The following SOX5 variants were observed in gnomAD, a reference collection of about 807,000 sequenced individuals.
The protein encoded by SOX5 is SRY-box transcription factor 5, also known as transcription factor SOX-5.
SOX5 carries 9 observed loss-of-function variants against 92.0 expected under a neutral mutation model. That is an observed-to-expected ratio of 0.10 (90% CI 0.06 to 0.17). The LOEUF (loss-of-function observed/expected upper bound fraction) is 0.17, where lower values mean the gene tolerates loss of function less well. SOX5 is among the 10% of genes least tolerant of loss of function. The pLI is 1.00. For missense variants in SOX5, 642 were observed against 944.5 expected (o/e 0.68, Z 4.20); for synonymous variants, 344 against 336.3 (o/e 1.02, Z -0.25).
chr12:24,335,349 C>G (rs1051174530), intron 2 of SOX5, among the ~76,000 whole-genome samples: 1 of 152,122 alleles, frequency 6.6e-6, no homozygotes, highest in Non-Finnish European at 1.5e-5. Context: ...GAGGGCATTG[C>G]CTTTCATTTT....
At chr12:23,740,794 T>G in intron 5 of SOX5, 73 bp downstream of exon 5, 6 of 1,283,534 alleles carry the variant, frequency 4.7e-6, no homozygotes, top group Non-Finnish European at 6.6e-6. Flanking sequence ...GTTGTGTGCC[T>G]AGGACAGTGA....
intron 2 of SOX5, among the ~76,000 whole-genome samples, chr12:24,355,605 T>C (rs935318145): frequency 1.3e-4 from 20 of 152,184 alleles, no homozygotes; most frequent in Non-Finnish European, 2.1e-4. Flanking sequence ...CCTTAGATCA[T>C]TTTATAAGAT....
chr12:23,771,234 T>A (rs2094927388), intron 3 of SOX5, among the ~76,000 whole-genome samples: 1 of 151,316 alleles, frequency 6.6e-6, no homozygotes, highest in Non-Finnish European at 1.5e-5. Context: ...AACTCCACAT[T>A]AAATTACTAA....
chr12:23,849,821 T>C (rs946525606), intron 2 of SOX5, among the ~76,000 whole-genome samples: 2 of 152,342 alleles, frequency 1.3e-5, no homozygotes, highest in South Asian at 4.1e-4. Context: ...AAACCAAATA[T>C]ATAGATTTAT....
At chr12:24,199,958 A>T (rs1337843729) in intron 4 of SOX5, among the ~76,000 whole-genome samples, 1 of 152,202 alleles carries the variant, frequency 6.6e-6, no homozygotes, top group Non-Finnish European at 1.5e-5. Flanking sequence ...AAATCAGTAG[A>T]ATCTTACTAA....
chr12:24,277,380 T>A (rs1320247102), intron 2 of SOX5: 3 of 147,508 alleles, frequency 2.0e-5, no homozygotes, highest in Non-Finnish European at 4.5e-5. Context: ...ATATGACTCT[T>A]GAAAATAGAA....
chr12:24,238,439 C>A (rs913131029), intron 3 of SOX5, among the ~76,000 whole-genome samples: 1 of 152,260 alleles, frequency 6.6e-6, no homozygotes, highest in African/African-American at 2.4e-5. Flanking sequence ...GTAGCCTCAA[C>A]CCCCCAGGCT....
At chr12:24,368,572 T>C (rs1678403471) in exon 2 of SOX5, 1 of 152,306 alleles carries the variant, frequency 6.6e-6, no homozygotes, top group South Asian at 2.1e-4. Flanking sequence ...CCCCAGTAGG[T>C]CGCTAACTCC....
intron 4 of SOX5, among the ~76,000 whole-genome samples, chr12:24,008,327 C>T (rs1346500438): frequency 6.6e-6 from 1 of 152,054 alleles, no homozygotes. Context: ...CTACAATGGG[C>T]CTTGACAGAA....
intron 3 of SOX5, among the ~76,000 whole-genome samples, chr12:24,225,584 C>A (rs1387470271): frequency 6.6e-6 from 1 of 151,954 alleles, no homozygotes; most frequent in Non-Finnish European, 1.5e-5. Context: ...AAAGCACATG[C>A]TACACACTCA....
At chr12:23,626,301 G>GT (rs2077778846) in intron 8 of SOX5, among the ~76,000 whole-genome samples, 1 of 151,980 alleles carries the variant, frequency 6.6e-6, no homozygotes, top group Non-Finnish European at 1.5e-5. Context: ...TGTCCAACTT[G>GT]TCATTTACTT....
intron 6 of SOX5, among the ~76,000 whole-genome samples, chr12:23,692,606 G>A (rs2089065478): frequency 6.6e-6 from 1 of 152,162 alleles, no homozygotes; most frequent in South Asian, 2.1e-4. Context: ...GTATGTGTGT[G>A]TGAAAAGAAT....
intron 6 of SOX5, among the ~76,000 whole-genome samples, chr12:23,716,193 G>A (rs1406335603): frequency 1.3e-5 from 2 of 152,122 alleles, no homozygotes; most frequent in Non-Finnish European, 2.9e-5. Flanking sequence ...TATAAAGTAG[G>A]CTAATACCAA....
chr12:24,235,606 C>T (rs926550559), intron 3 of SOX5, among the ~76,000 whole-genome samples: 1 of 152,050 alleles, frequency 6.6e-6, no homozygotes, highest in African/African-American at 2.4e-5. Flanking sequence ...ATAAATAAGA[C>T]CCAGAGGAAG....
At chr12:24,079,837 T>TA (rs1169858279) in intron 4 of SOX5, among the ~76,000 whole-genome samples, 1 of 151,968 alleles carries the variant, frequency 6.6e-6, no homozygotes, top group Admixed American at 6.6e-5. Flanking sequence ...TTTTTGTAGT[T>TA]ACAGTCGAGA....
intron 2 of SOX5, among the ~76,000 whole-genome samples, chr12:24,361,218 AAACAATG>A (rs1433547694): frequency 6.6e-6 from 1 of 152,174 alleles, no homozygotes; most frequent in East Asian, 1.9e-4. Context: ...ACAACAACAA[AAACAATG>A]CAGATCCCAT....
chr12:24,026,241 C>T (rs1217859581), intron 4 of SOX5, among the ~76,000 whole-genome samples: 1 of 151,972 alleles, frequency 6.6e-6, no homozygotes, highest in African/African-American at 2.4e-5. Flanking sequence ...ACTTCCTGGA[C>T]TACAGAAGAT....
At chr12:23,628,502 G>C (rs1592724550) in intron 8 of SOX5, among the ~76,000 whole-genome samples, 1 of 152,164 alleles carries the variant, frequency 6.6e-6, no homozygotes, top group East Asian at 1.9e-4. Context: ...ACATAATATT[G>C]TTGTAATTTT....
At chr12:24,057,018 T>C (rs1331417919) in intron 4 of SOX5, among the ~76,000 whole-genome samples, 1 of 126,466 alleles carries the variant, frequency 7.9e-6, no homozygotes, top group East Asian at 2.1e-4. Flanking sequence ...AGAAAGTAAG[T>C]AAGTAAATGG....
Sources: allele counts gnomAD v4.1 joint callset (sites outside exome capture counted in the v4.1 genomes callset), GRCh38; gene constraint gnomAD v4.1.1; transcripts MANE v1.5; gene names NCBI Gene and HGNC (gene_info 2026-07-23, HGNC 2026-07-21).